The following UBR1 variants were observed in gnomAD, a reference collection of about 807,000 sequenced individuals.
The protein encoded by UBR1 is E3 ubiquitin-protein ligase UBR1.
Under a neutral mutation model 242.1 loss-of-function variants are expected in UBR1, and 102 were observed. The observed-to-expected ratio is 0.42, with a 90% CI of 0.36 to 0.50. UBR1 has a LOEUF of 0.50. UBR1 is among the 20% of genes least tolerant of loss of function. The pLI, the probability that UBR1 is intolerant of heterozygous loss-of-function variation, is 0.01. For synonymous variants in UBR1, 675 were observed against 684.8 expected (o/e 0.99, Z 0.22); for missense variants, 1,772 against 2,101.8 (o/e 0.84, Z 3.07).
intron 41 of UBR1, 67 bp downstream of exon 41, chr15:42,966,086 T>G: frequency 2.5e-6 from 4 of 1,608,414 alleles, no homozygotes; most frequent in African/African-American, 1.3e-5. Flanking sequence ...CTTGTATTCA[T>G]GAGCTTGAAG....
rs1214526431 is a variant in UBR1, at chr15:43,043,650, T to A, written c.1669-255A>T. On this transcript the variant is annotated intron_variant, in intron 14 of 46. Transcript: ENST00000290650. Reference sequence around the variant, plus strand: ...TTTGTAGAGGCAGGGTCTCCGCATGTTGGCCAAGCTGGTTTTGAACTCCGG... The same window carrying A: ...TTTGTAGAGGCAGGGTCTCCGCATGATGGCCAAGCTGGTTTTGAACTCCGG... 2.6e-5 allele frequency among the ~76,000 whole-genome samples: 4 copies of A among 152,132 alleles called. No individual in the cohort carries two copies. The East Asian group carries it at 7.7e-4, about 29-fold the overall frequency.
intron 27 of UBR1, among the ~76,000 whole-genome samples, chr15:43,018,784 T>C (rs1469672649): frequency 6.6e-6 from 1 of 152,198 alleles, no homozygotes; most frequent in African/African-American, 2.4e-5. Context: ...ACCATCTGGA[T>C]AGAGTATCTA....
intron 44 of UBR1, among the ~76,000 whole-genome samples, chr15:42,954,074 A>G (rs2031878200): frequency 6.6e-6 from 1 of 151,860 alleles, no homozygotes; most frequent in Non-Finnish European, 1.5e-5. Flanking sequence ...TTGTAGAGAC[A>G]GGGTCTCCCC....
At chr15:43,044,697 C>T (rs2033462061) in intron 14 of UBR1, among the ~76,000 whole-genome samples, 1 of 152,080 alleles carries the variant, frequency 6.6e-6, no homozygotes, top group Non-Finnish European at 1.5e-5. Context: ...TTGAGACCAG[C>T]CTGGCCAATA....
intron 4 of UBR1, 133 bp from the exon 5 acceptor site, chr15:43,071,058 G>T: frequency 1.6e-6 from 2 of 1,239,812 alleles, no homozygotes; most frequent in Non-Finnish European, 2.3e-6. Context: ...TTCAAGTTGA[G>T]CTCAAGAGGG....
At chr15:43,080,100 C>T (rs2033958449) in intron 3 of UBR1, among the ~76,000 whole-genome samples, 2 of 152,266 alleles carry the variant, frequency 1.3e-5, no homozygotes, top group African/African-American at 4.8e-5. Context: ...GTTTTGCAGG[C>T]CACATAGCCT....
rs559823874 is a variant in UBR1, at chr15:42,977,263, C to T, written c.4219-396G>A. Among the ~76,000 whole-genome samples, 6 of 152,178 alleles carry T rather than the reference C, an allele frequency of 3.9e-5. No individual in the cohort carries two copies. The South Asian group carries it at 1.2e-3, about 32-fold the overall frequency. ...CTTTTCAAAGTTCCCCAGGAGATTC[C>T]AAAAGACAGTCAGGGTTGATGACCA... On this transcript the variant is annotated intron_variant, in intron 38 of 46. Coordinates refer to ENST00000290650, the MANE Select transcript of UBR1 (RefSeq NM_174916.3).
At chr15:42,966,975 A>C (rs1395026885) in intron 40 of UBR1, among the ~76,000 whole-genome samples, 1 of 152,092 alleles carries the variant, frequency 6.6e-6, no homozygotes, top group East Asian at 1.9e-4. Context: ...GCTGGAGTGC[A>C]GTGCTGCGAT....
At chr15:42,960,807 C>A in intron 42 of UBR1, 106 bp from the exon 43 acceptor site, 1 of 1,215,392 alleles carries the variant, frequency 8.2e-7, no homozygotes, top group Non-Finnish European at 1.2e-6. Context: ...CTCACTCTTT[C>A]GCCCAGGCTG....
At chr15:43,081,424 A>G (rs992119491) in intron 3 of UBR1, among the ~76,000 whole-genome samples, 1 of 151,060 alleles carries the variant, frequency 6.6e-6, no homozygotes, top group African/African-American at 2.4e-5. Context: ...TCTCAAAAAA[A>G]AAAAAAAAAA....
At chr15:43,063,292 A>T (rs2033710501) in intron 6 of UBR1, among the ~76,000 whole-genome samples, 1 of 152,162 alleles carries the variant, frequency 6.6e-6, no homozygotes. Flanking sequence ...GGAGACACAG[A>T]TCTTTCCGTT....
intron 32 of UBR1, among the ~76,000 whole-genome samples, chr15:43,001,774 T>C (rs552525085): frequency 6.6e-6 from 1 of 152,278 alleles, no homozygotes; most frequent in South Asian, 2.1e-4. Context: ...AAGAGAGATA[T>C]ATAAAAACAA....
intron 32 of UBR1, among the ~76,000 whole-genome samples, 168 bp downstream of exon 32, chr15:43,002,387 T>C (rs560519392): frequency 6.6e-6 from 1 of 152,072 alleles, no homozygotes; most frequent in South Asian, 2.1e-4. Context: ...GCTAATTTTT[T>C]TTTTTGTATT....
intron 33 of UBR1, among the ~76,000 whole-genome samples, chr15:42,995,458 G>A (rs2032622615): frequency 6.8e-6 from 1 of 147,296 alleles, no homozygotes; most frequent in Non-Finnish European, 1.5e-5. Flanking sequence ...AGGAGATCAA[G>A]ACCATCCTGG....
rs962549776 is a variant in UBR1, at chr15:42,943,784, C to G, written c.*1545G>C. Reference sequence around the variant, plus strand: ...CAAACTGAATACTGAATTTCCTGATCCTTACCTGTTATTGTTACAAATTGT... The same window carrying G: ...CAAACTGAATACTGAATTTCCTGATGCTTACCTGTTATTGTTACAAATTGT... On this transcript the variant is annotated 3_prime_UTR_variant, in exon 47 of 47. Transcript: ENST00000290650. 3.3e-5 allele frequency: 5 copies of G among 152,200 alleles called. No homozygotes were observed. The highest frequency in any genetic ancestry group is 1.2e-4 in the African/African-American group (5 of 41,434). The allele number at this position is 152,200 out of a possible 1,614,324, so 9.4% of individuals were successfully genotyped here.
Position 43,022,821 on chromosome 15 carries a change from G to C in UBR1, c.2740-20C>G, listed in dbSNP as rs780076831. On this transcript the variant is annotated intron_variant, in intron 25 of 46. Transcript: ENST00000290650. ...AAAAGCCTGAAGGAGGAAAATAAGA[G>C]ATCTTTAAAATTGCGCTTCTTCAGG... The C allele has an allele frequency of 6.6e-7, 1 of 1,520,870 alleles. No homozygotes were observed. The highest frequency in any genetic ancestry group is 9.1e-7 in the Non-Finnish European group (1 of 1,098,344). The allele number at this position is 1,520,870 out of a possible 1,614,324, so 94.2% of individuals were successfully genotyped here.
At chr15:43,076,378 T>C (rs1310332884) in intron 3 of UBR1, among the ~76,000 whole-genome samples, 1 of 152,140 alleles carries the variant, frequency 6.6e-6, no homozygotes, top group Admixed American at 6.5e-5. Context: ...AGTGCCGAGA[T>C]TGCAGCCTCT....
At position 43,036,524 on chromosome 15, in the gene UBR1, G is replaced by A. The variant is rs2033337955; in HGVS notation, c.2088+4C>T. 1.3e-6 allele frequency: 2 copies of A among 1,585,484 alleles called. No individual in the cohort carries two copies. Among genetic ancestry groups the A allele is most frequent in the African/African-American group, 1.3e-5 (1 of 74,336 alleles). On this transcript the variant is annotated splice_donor_region_variant and intron_variant, in intron 18 of 46. Coordinates refer to ENST00000290650, the MANE Select transcript of UBR1 (RefSeq NM_174916.3). The stretch of plus-strand genomic sequence containing the variant: ...CAAATATCAGAAACAATTTAAATAG[G>A]TACCTGAAGCATGATGATATCTTTA...
chr15:43,056,518 TGCA>T (rs369250445), intron 10 of UBR1, 76 bp from the exon 11 acceptor site: 12 of 975,670 alleles, frequency 1.2e-5, no homozygotes, highest in African/African-American at 6.5e-5. Context: ...TAATAACTGC[TGCA>T]GGTTTGTTTC....
Sources: gnomAD v4.1 joint callset for allele counts (sites outside exome capture counted in the v4.1 genomes callset) on GRCh38, gnomAD v4.1.1 for gene constraint, MANE v1.5 for transcripts, NCBI Gene and HGNC (gene_info 2026-07-23, HGNC 2026-07-21) for gene names.